DYSF: variants seen among roughly 807,000 people sequenced by gnomAD.
DYSF encodes the protein dystrophy-associated fer-1-like 1.
In DYSF, 212 loss-of-function variants were observed where a neutral mutation model predicts 274.9. The ratio of observed to expected loss-of-function variants is 0.77; its 90% CI spans 0.69 to 0.86. The LOEUF (loss-of-function observed/expected upper bound fraction) is 0.86, where lower values mean the gene tolerates loss of function less well. DYSF is among the 40% of genes least tolerant of loss of function. The pLI is 0.00. For missense variants in DYSF, 2,666 were observed against 2,783.2 expected, an observed-to-expected ratio of 0.96 and a Z score of 0.95; for synonymous variants, 1,091 against 1,078.7, an observed-to-expected ratio of 1.01 and a Z score of -0.22.
At chr2:71,520,482 C>T (rs916180508) in intron 11 of DYSF, among the ~76,000 whole-genome samples, 2 of 152,192 alleles carry the variant, frequency 1.3e-5, no homozygotes, top group Non-Finnish European at 1.5e-5. Context: ...AGGGACAGGT[C>T]ATTTGGGTGA....
At chr2:71,600,874 C>G (rs773321454) in intron 34 of DYSF, 32 bp downstream of exon 34, 4 of 1,604,278 alleles carry the variant, frequency 2.5e-6, no homozygotes, top group Non-Finnish European at 8.5e-7. Context: ...ATCCAGGAGG[C>G]CCAGGCAGGA....
chr2:71,568,362 G>A (rs1319901258), intron 26 of DYSF, 24 bp downstream of exon 26: 2 of 1,612,664 alleles, frequency 1.2e-6, no homozygotes, highest in South Asian at 1.1e-5. Context: ...AGGGAGGGCT[G>A]GGGAGAGCCA....
chr2:71,622,767 C>G (rs2094134336), intron 41 of DYSF, among the ~76,000 whole-genome samples: 1 of 152,164 alleles, frequency 6.6e-6, no homozygotes, highest in Admixed American at 6.5e-5. Context: ...AGGTGCCCAC[C>G]ACCGCACTCT....
chr2:71,612,798 G>A lies in DYSF; in HGVS notation c.4379G>A (p.Gly1460Asp). 1 of 1,612,168 alleles carries A rather than the reference G, an allele frequency of 6.2e-7. No homozygotes were observed. The highest frequency in any genetic ancestry group is 8.5e-7 in the Non-Finnish European group (1 of 1,178,432). The change falls in exon 39 of 56, where the codon GGT (glycine) becomes GAT (aspartate). Residue 1460 changes from glycine to aspartate, a missense_variant. Coordinates refer to ENST00000410020, the MANE Select transcript of DYSF (RefSeq NM_001130987.2). ...PYSAESPSPQ[G>D]GPDDVSLLSP... ...TCGGCGGAGAGTCCATCCCCACAGGGTGGCCCAGGTAGGGGAAGGGGAGAT... is the reference window on the plus strand; with the variant it reads ...TCGGCGGAGAGTCCATCCCCACAGGATGGCCCAGGTAGGGGAAGGGGAGAT...
At chr2:71,572,307 C>G (rs554048578) in intron 29 of DYSF, among the ~76,000 whole-genome samples, 2 of 149,016 alleles carry the variant, frequency 1.3e-5, no homozygotes, top group South Asian at 4.3e-4. Context: ...AGATCACACC[C>G]AGCACACAGA....
At chr2:71,629,290 A>T (rs551003241) in intron 41 of DYSF, among the ~76,000 whole-genome samples, 45 of 152,142 alleles carry the variant, frequency 3.0e-4, no homozygotes, top group Non-Finnish European at 4.6e-4. Context: ...TAAAAGTTTT[A>T]TTCCCCCAAT....
intron 54 of DYSF, among the ~76,000 whole-genome samples, 173 bp from the exon 55 acceptor site, chr2:71,682,357 C>T (rs906199380): frequency 6.6e-6 from 1 of 151,752 alleles, no homozygotes; most frequent in Non-Finnish European, 1.5e-5. Flanking sequence ...GTAGCAAGGG[C>T]TTGGGGGAGA....
chr2:71,653,534 A>G (rs962664319), intron 42 of DYSF, among the ~76,000 whole-genome samples: 6 of 151,936 alleles, frequency 3.9e-5, no homozygotes, highest in African/African-American at 1.5e-4. Context: ...GCTGGAAACC[A>G]TCATTCTCAG....
chr2:71,536,543 C>T (rs1183154489), intron 16 of DYSF, among the ~76,000 whole-genome samples: 1 of 152,220 alleles, frequency 6.6e-6, no homozygotes, highest in Non-Finnish European at 1.5e-5. Context: ...ATGAGCTGTG[C>T]GTGTCTCTGC....
rs562567295 is a variant in DYSF, at chr2:71,611,353, C to T, written c.4059+7C>T. ...CCAGCGTACCGCCATCGAGGTGAGC[C>T]GTCCGGGCCTGGGCGTGGGGGCTGG... is the stretch of plus-strand genomic sequence containing the variant. On this transcript the variant is annotated splice_region_variant and intron_variant, in intron 37 of 55. Transcript: ENST00000410020. 1.3e-5 allele frequency: 21 copies of T among 1,612,996 alleles called. No individual in the cohort carries two copies. The Admixed American group carries it at 1.5e-4, about 12-fold the overall frequency.
At chr2:71,678,997 GTGGCTACAGGC>G (rs2095261468) in intron 52 of DYSF, 49 bp from the exon 53 acceptor site, 10 of 1,523,720 alleles carry the variant, frequency 6.6e-6, no homozygotes, top group Non-Finnish European at 8.2e-6. Context: ...CTGCCTAAGG[GTGGCTACAGGC>G]TGGCAGTGAT....
chr2:71,496,401 C>T (rs1011090761), intron 3 of DYSF, among the ~76,000 whole-genome samples: 3 of 151,924 alleles, frequency 2.0e-5, no homozygotes, highest in Non-Finnish European at 1.5e-5. Context: ...GCAGAGAGAG[C>T]GAGGGGAACA....
intron 26 of DYSF, 110 bp from the exon 27 acceptor site, chr2:71,569,710 T>G: frequency 1.1e-6 from 1 of 888,342 alleles, no homozygotes; most frequent in Non-Finnish European, 1.8e-6. Context: ...TGTCTCTCAT[T>G]GTTGGTTGGG....
At chr2:71,565,374 G>T (rs2092029116) in intron 24 of DYSF, among the ~76,000 whole-genome samples, 1 of 151,896 alleles carries the variant, frequency 6.6e-6, no homozygotes. Flanking sequence ...TCAGGCGTGA[G>T]CCACCGCGCC....
At chr2:71,555,943 C>T (rs2091305227) in intron 21 of DYSF, 22 bp from the exon 22 acceptor site, 5 of 1,546,950 alleles carry the variant, frequency 3.2e-6, no homozygotes, top group Middle Eastern at 1.8e-4. Context: ...ACACACCTGA[C>T]CCTTGCCTGC....
At chr2:71,659,160 A>C in intron 44 of DYSF, 127 bp downstream of exon 44, 2 of 1,283,198 alleles carry the variant, frequency 1.6e-6, no homozygotes, top group Non-Finnish European at 2.2e-6. Context: ...AACACACAAA[A>C]CTGAGAGGTG....
At chr2:71,512,623 T>C (rs1189705875) in intron 5 of DYSF, among the ~76,000 whole-genome samples, 1 of 152,172 alleles carries the variant, frequency 6.6e-6, no homozygotes, top group African/African-American at 2.4e-5. Flanking sequence ...CTCCATGTGG[T>C]CCAGCCTGCT....
chr2:71,590,072 C>A, intron 31 of DYSF, 139 bp from the exon 32 acceptor site: 1 of 824,032 alleles, frequency 1.2e-6, no homozygotes, highest in Non-Finnish European at 2.1e-6. Flanking sequence ...TGACCTCGCA[C>A]AGTGGCCTGT....
intron 32 of DYSF, among the ~76,000 whole-genome samples, chr2:71,597,335 G>A (rs10198119): frequency 0.04 from 6,081 of 152,224 alleles, 147 homozygotes; most frequent in Middle Eastern, 0.099. Context: ...TTAGGCACTG[G>A]GTTCAGCCCT....
Sources: allele counts gnomAD v4.1 joint callset (sites outside exome capture counted in the v4.1 genomes callset), GRCh38; gene constraint gnomAD v4.1.1; transcripts MANE v1.5; gene names NCBI Gene and HGNC (gene_info 2026-07-23, HGNC 2026-07-21).